The following INSL6 variants were observed in gnomAD, a reference collection of about 807,000 sequenced individuals.
INSL6 encodes insulin-like peptide INSL6.
Under a neutral mutation model 9.4 loss-of-function variants are expected in INSL6, and 16 were observed. That is an observed-to-expected ratio of 1.70 (90% confidence interval 1.15 to 2.59). The LOEUF (loss-of-function observed/expected upper bound fraction) is 2.59, where lower values mean the gene tolerates loss of function less well. Ranked by LOEUF, INSL6 falls within the 30% of genes most tolerant of loss-of-function variation. INSL6 has a pLI of 0.00. For missense variants in INSL6, 391 were observed against 257.3 expected (o/e 1.52, Z -3.56); for synonymous variants, 154 against 96.9 (o/e 1.59, Z -3.46).
chr9:5,049,632 C>G, the INSL6 span, among the ~76,000 whole-genome samples: 452 of 152,272 alleles, frequency 3.0e-3, 1 homozygote, highest in African/African-American at 0.01. Flanking sequence ...TGTTTCGCTT[C>G]TAAGCTAAAT....
chr9:5,014,853 A>C, the INSL6 span, among the ~76,000 whole-genome samples: 1 of 151,592 alleles, frequency 6.6e-6, no homozygotes, highest in Non-Finnish European at 1.5e-5. Flanking sequence ...CTCCCTAGCT[A>C]TTCTCCTGTC....
chr9:5,116,585 A>T, the INSL6 span, among the ~76,000 whole-genome samples: 1 of 152,234 alleles, frequency 6.6e-6, no homozygotes, highest in Non-Finnish European at 1.5e-5. Flanking sequence ...CAATCAAAAA[A>T]TATTAGTTAT....
At chr9:5,143,048 C>G (rs1279372385) in intron 2 of INSL6, among the ~76,000 whole-genome samples, 4 of 152,078 alleles carry the variant, frequency 2.6e-5, no homozygotes, top group East Asian at 1.9e-4. Flanking sequence ...AAAGCCTACT[C>G]GATTGTGATT....
At chr9:5,044,537 T>C in the INSL6 span, 5 of 1,382,834 alleles carry the variant, frequency 3.6e-6, no homozygotes, top group Non-Finnish European at 5.0e-6. Context: ...TTATATTATC[T>C]TACTTGTACA....
chr9:5,068,596 T>C, the INSL6 span, among the ~76,000 whole-genome samples: 37,388 of 152,130 alleles, frequency 0.25, 4,783 homozygotes, highest in South Asian at 0.3. Flanking sequence ...GCATGGCATT[T>C]GCTTGAAATG....
chr9:5,110,633 TAA>T, the INSL6 span: 1 of 217,008 alleles, frequency 4.6e-6, no homozygotes, highest in Non-Finnish European at 9.3e-6. Flanking sequence ...GCTTTTACTC[TAA>T]AGACCTTATT....
the INSL6 span, among the ~76,000 whole-genome samples, chr9:5,022,383 A>G: frequency 6.6e-6 from 1 of 152,106 alleles, no homozygotes; most frequent in South Asian, 2.1e-4. Context: ...AGTACAATTT[A>G]TGGTGAATCT....
the INSL6 span, among the ~76,000 whole-genome samples, chr9:5,012,349 CT>C: frequency 3.3e-5 from 5 of 151,986 alleles, no homozygotes; most frequent in Admixed American, 6.6e-5. Flanking sequence ...TTGACAATGC[CT>C]TCAAATGGTG....
At chr9:5,155,608 A>T (rs7019912) in intron 2 of INSL6, among the ~76,000 whole-genome samples, 58,181 of 151,352 alleles carry the variant, frequency 0.38, 12,800 homozygotes, top group African/African-American at 0.61. Flanking sequence ...GGTGAGTTCA[A>T]GTCCTTTGCA....
At chr9:5,072,356 T>C in the INSL6 span, 18 of 566,584 alleles carry the variant, frequency 3.2e-5, no homozygotes, top group Non-Finnish European at 5.0e-5. Flanking sequence ...TTTGGAGTCT[T>C]AAATCTGGAT....
At chr9:5,031,758 A>C in the INSL6 span, among the ~76,000 whole-genome samples, 1 of 152,370 alleles carries the variant, frequency 6.6e-6, no homozygotes, top group Non-Finnish European at 1.5e-5. Context: ...TTTCCTCTTA[A>C]AATGAAAAGG....
At chr9:5,048,443 T>C in the INSL6 span, among the ~76,000 whole-genome samples, 1 of 152,120 alleles carries the variant, frequency 6.6e-6, no homozygotes, top group Non-Finnish European at 1.5e-5. Flanking sequence ...ACCCAGCCCA[T>C]CTACTAGTTC....
the INSL6 span, among the ~76,000 whole-genome samples, chr9:5,022,922 T>C: frequency 6.6e-6 from 1 of 152,352 alleles, no homozygotes; most frequent in Admixed American, 6.5e-5. Flanking sequence ...TAATATAGTA[T>C]TTATAAGAAT....
At chr9:5,183,775 A>G (rs1159001739) in intron 1 of INSL6, among the ~76,000 whole-genome samples, 4 of 146,500 alleles carry the variant, frequency 2.7e-5, no homozygotes, top group African/African-American at 7.9e-5. Context: ...AGTTTAAAAG[A>G]AAAAAAAAAG....
downstream of INSL6, among the ~76,000 whole-genome samples, chr9:5,121,778 T>C (rs1823632078): frequency 6.6e-6 from 1 of 152,190 alleles, no homozygotes; most frequent in South Asian, 2.1e-4. Flanking sequence ...TTTGTTCTTT[T>C]TAAATTTGTA....
In INSL6 at chr9:5,171,350, C is replaced by A. The variant is rs114759293; in HGVS notation, c.290-7085G>T. Among the ~76,000 whole-genome samples, 860 of 152,020 alleles carry A rather than the reference C, an allele frequency of 5.7e-3. 4 individuals are homozygous for A. The highest frequency in any genetic ancestry group is 0.019 in the African/African-American group (795 of 41,482). On this transcript the variant is annotated intron_variant, in intron 1 of 1. Coordinates refer to ENST00000381641, the MANE Select transcript of INSL6 (RefSeq NM_007179.3). ...ATGGAGCATACCTCAAAATAATAGC[C>A]ATTTATGACAAACCCACGGCCAAAT...
the INSL6 span, among the ~76,000 whole-genome samples, chr9:5,059,045 TTTTGTTGCCTATTTTTCTTTTTAC>T: frequency 6.6e-6 from 1 of 152,208 alleles, no homozygotes; most frequent in Non-Finnish European, 1.5e-5. Flanking sequence ...CTAGTTCAAC[TTTTGTTGCCTATTTTTCTTTTTAC>T]TTTGTTGAGA....
At chr9:5,048,028 TTTA>T in the INSL6 span, among the ~76,000 whole-genome samples, 4 of 152,342 alleles carry the variant, frequency 2.6e-5, no homozygotes, top group Admixed American at 1.3e-4. Context: ...TAGTGAATAG[TTTA>T]TTATGTTTTT....
chr9:5,126,831 G>T, intron 3 of INSL6: 1 of 1,279,388 alleles, frequency 7.8e-7, no homozygotes, highest in Non-Finnish European at 1.1e-6. Flanking sequence ...TAGATTTACA[G>T]AACAAAGTTT....
Sources: allele counts gnomAD v4.1 joint callset (sites outside exome capture counted in the v4.1 genomes callset), GRCh38; gene constraint gnomAD v4.1.1; transcripts MANE v1.5; gene names NCBI Gene and HGNC (gene_info 2026-07-23, HGNC 2026-07-21).